Variants in AHNAK2 observed in about 807,000 individuals in gnomAD.
AHNAK2 encodes the protein protein AHNAK2.
AHNAK2 carries 18 observed loss-of-function variants against 30.7 expected under a neutral mutation model. That is an observed-to-expected ratio of 0.59 (90% CI 0.41 to 0.87). The LOEUF (loss-of-function observed/expected upper bound fraction) is 0.87. Ranked by LOEUF, AHNAK2 falls within the 40% of genes least tolerant of loss-of-function variation. The pLI, the probability that AHNAK2 is intolerant of heterozygous loss-of-function variation, is 0.00. For synonymous variants in AHNAK2, 3,590 were observed against 3,073.8 expected (o/e 1.17, Z -5.56); for missense variants, 8,604 against 7,373.0 (o/e 1.17, Z -6.11).
In AHNAK2 at chr14:104,953,746, G is replaced by C; in HGVS notation, c.1705C>G (p.Gln569Glu). 6.2e-7 allele frequency: 1 copy of C among 1,613,864 alleles called. No individual in the cohort carries two copies. The highest frequency in any genetic ancestry group is 1.7e-4 in the Middle Eastern group (1 of 6,054). Residue 569 changes from glutamine (Q) to glutamate (E), a missense_variant, in exon 7 of 7, where the codon CAG (glutamine) becomes GAG (glutamate). Physicochemically the swap from Gln to Glu is conservative, Grantham distance 29. Coordinates refer to ENST00000333244, the MANE Select transcript of AHNAK2 (RefSeq NM_138420.4). ...GLQRTRITEE[Q>E]DKGREDTEGQ... ...TCTGTGTCTTCCCTGCCCTTGTCCT[G>C]TTCCTCAGTGATCCTTGTCCTCTGT...
chr14:104,960,219 A>T (rs753737709), intron 1 of AHNAK2, among the ~76,000 whole-genome samples: 38 of 152,196 alleles, frequency 2.5e-4, no homozygotes, highest in Non-Finnish European at 5.4e-4. Context: ...AGCAAAAAGG[A>T]GTAGGAGGAG....
Position 104,941,070 on chromosome 14 carries a change from T to C in AHNAK2, c.14381A>G (p.Lys4794Arg), listed in dbSNP as rs769028346. Residue 4794 changes from lysine (K) to arginine (R), a missense_variant, in exon 7 of 7, where the codon AAA (lysine) becomes AGA (arginine). Coordinates refer to ENST00000333244, the MANE Select transcript of AHNAK2 (RefSeq NM_138420.4). ...LSPCEDVTLT[K>R]YQVTVPRAAL... ...AGCTCTGGGAACAGTCACCTGGTAT[T>C]TTGTAAGTGTAACATCCTCACAGGG... 2 of 1,613,612 alleles carry C rather than the reference T, an allele frequency of 1.2e-6. No homozygotes were observed. Among genetic ancestry groups the C allele is most frequent in the South Asian group, 1.1e-5 (1 of 91,078 alleles).
chr14:104,969,470 G>A (rs1899410196), intron 1 of AHNAK2, among the ~76,000 whole-genome samples: 1 of 152,246 alleles, frequency 6.6e-6, no homozygotes, highest in African/African-American at 2.4e-5. Flanking sequence ...TTCACAGACT[G>A]AGCTTGGCCA....
chr14:104,953,709 C>G lies in AHNAK2; in HGVS notation c.1742G>C (p.Arg581Thr). 6.2e-7 allele frequency: 1 copy of G among 1,613,942 alleles called. No homozygotes were observed. Among genetic ancestry groups the G allele is most frequent in the Non-Finnish European group, 8.5e-7 (1 of 1,179,894 alleles). The change falls in exon 7 of 7, where the codon AGA (arginine) becomes ACA (threonine). Residue 581 changes from arginine to threonine, a missense_variant. Arg to Thr is a moderately conservative substitution (Grantham distance 71). Transcript: ENST00000333244. ...KGREDTEGQI[R>T]MPKFKIPSLG... ...GGAGGGTATCTTGAACTTGGGCATT[C>G]TTATCTGTCCTTCTGTGTCTTCCCT...
Position 104,938,794 on chromosome 14 carries a change from T to C in AHNAK2, c.16657A>G (p.Ile5553Val). The C allele has an allele frequency of 6.8e-6, 11 of 1,613,986 alleles. No individual in the cohort carries two copies. Among genetic ancestry groups the C allele is most frequent in the Non-Finnish European group, 8.5e-6 (10 of 1,179,894 alleles). ...RTQEGTEEAPIQATPGVDSIS... is the reference protein window; with the variant it reads ...RTQEGTEEAPVQATPGVDSIS... ...GAGTCTACTCCTGGGGTGGCTTGTA[T>C]GGGAGCCTCTTCTGTGCCCTCCTGA... Residue 5553 changes from isoleucine to valine, a missense_variant, in exon 7 of 7, where the codon ATA (isoleucine) becomes GTA (valine). Transcript: ENST00000333244.
In AHNAK2 at chr14:104,949,852, T is replaced by G. The variant is rs370065745; in HGVS notation, c.5599A>C (p.Lys1867Gln). The change falls in exon 7 of 7, where the codon AAG becomes CAG. Residue 1867 changes from lysine to glutamine, a missense_variant. Physicochemically the swap from Lys to Gln is moderately conservative, Grantham distance 53. Transcript: ENST00000333244. ...AGCGGAATGCAGAGGTCCGTGGTCT[T>G]GAGGTCCCCCTGCATGGAGGGGAGG... The part of the protein sequence containing the change: ...VSLPSMQGDL[K>Q]TTDLCIPLPS... 9.4e-5 allele frequency: 150 copies of G among 1,587,646 alleles called. 14 individuals carry two copies. Among genetic ancestry groups the G allele is most frequent in the Admixed American group, 5.9e-4 (34 of 57,494 alleles).
rs777850918 is a variant in AHNAK2 at position 104,951,933 on chromosome 14, A to T, written c.3518T>A (p.Phe1173Tyr). Residue 1173 changes from phenylalanine to tyrosine, a missense_variant, in exon 7 of 7, where the codon TTC becomes TAC. Physicochemically the swap from Phe to Tyr is conservative, Grantham distance 22. Coordinates refer to ENST00000333244, the MANE Select transcript of AHNAK2 (RefSeq NM_138420.4). ...FKMPKFKMPS[F>Y]GASAPGKSIE... ...GGACTTGCCTGGGGCTGACGCCCCG[A>T]ACGATGGCATCTTGAACTTGGGCAT... 20 of 1,609,946 alleles carry T rather than the reference A, an allele frequency of 1.2e-5. No individual in the cohort carries two copies. The highest frequency in any genetic ancestry group is 1.2e-4 in the Admixed American group (7 of 59,632).
chr14:104,972,092 G>A (rs1899485089), intron 1 of AHNAK2, among the ~76,000 whole-genome samples: 1 of 152,238 alleles, frequency 6.6e-6, no homozygotes, highest in Non-Finnish European at 1.5e-5. Context: ...GGCAGGGAAG[G>A]CTCTGTCCCA....
chr14:104,947,756 G>C lies in AHNAK2; in HGVS notation c.7695C>G (p.His2565Gln), dbSNP rs374265047. ...AACTGGGCATCTGCACCTTGGGCAG[G>C]TGCCCTTTGAGGCCGGCTCCCTCCG... ...PVPEGAGLKG[H>Q]LPKVQMPSFK... Residue 2565 changes from histidine to glutamine, a missense_variant, in exon 7 of 7, where the codon CAC (histidine) becomes CAG (glutamine). Physicochemically the swap from His to Gln is conservative, Grantham distance 24 (BLOSUM62 0). Coordinates refer to ENST00000333244, the MANE Select transcript of AHNAK2 (RefSeq NM_138420.4). 1.6e-5 allele frequency: 26 copies of C among 1,612,676 alleles called. No individual in the cohort carries two copies. Among genetic ancestry groups the C allele is most frequent in the Non-Finnish European group, 2.1e-5 (25 of 1,179,640 alleles).
rs762322347 is a variant in AHNAK2 at position 104,944,975 on chromosome 14, G to C, written c.10476C>G (p.Ile3492Met). The change falls in exon 7 of 7, where the codon ATC (isoleucine) becomes ATG (methionine). Residue 3492 changes from isoleucine (I) to methionine (M), a missense_variant. Ile to Met is a conservative substitution (Grantham distance 10). Transcript: ENST00000333244. ...SFGVSAPGRSIEASLDVSAPK... is the reference protein window; with the variant it reads ...SFGVSAPGRSMEASLDVSAPK... ...GCGCAGACACATCCAGCGAGGCCTCGATGGACCTGCCTGGGGCCGACACCC... is the reference window on the plus strand; with the variant it reads ...GCGCAGACACATCCAGCGAGGCCTCCATGGACCTGCCTGGGGCCGACACCC... The C allele has an allele frequency of 3.0e-5, 49 of 1,612,370 alleles. No homozygotes were observed. Among genetic ancestry groups the C allele is most frequent in the African/African-American group, 1.2e-4 (9 of 74,512 alleles).
Position 104,945,450 on chromosome 14 carries a change from G to T in AHNAK2, c.10001C>A (p.Ser3334Tyr), listed in dbSNP as rs376228689. Residue 3334 changes from serine to tyrosine, a missense_variant, in exon 7 of 7, where the codon TCT becomes TAT. Physicochemically the swap from Ser to Tyr is moderately radical, Grantham distance 144 (BLOSUM62 -2). Transcript: ENST00000333244. ...GKSIQASVDV[S>Y]APKAEADVSL... ...CACGTCGGCCTCCGCCTTCGGCGCA[G>T]ACACATCCACCGAGGCCTGGATGGA... 8.1e-6 allele frequency: 13 copies of T among 1,613,364 alleles called. No individual in the cohort carries two copies. The African/African-American group carries it at 1.7e-4, about 22-fold the overall frequency.
At chr14:104,970,624 A>G in intron 1 of AHNAK2, 1 of 665,376 alleles carries the variant, frequency 1.5e-6, no homozygotes, top group Non-Finnish European at 1.9e-6. Context: ...ACATCCCACC[A>G]GAGGGAGTGG....
rs1440032341 is a variant in AHNAK2, at chr14:104,948,784, C to T, written c.6667G>A (p.Glu2223Lys). The T allele has an allele frequency of 6.2e-7, 1 of 1,612,388 alleles. No individual in the cohort carries two copies. Among genetic ancestry groups the T allele is most frequent in the Non-Finnish European group, 8.5e-7 (1 of 1,179,636 alleles). ...QAGQVDVKLL[E>K]GPVPEEVGLK... ...CCGACTTCCTCGGGCACAGGGCCCTCCAGGAGTTTCACGTCCACCTGGCCA... is the reference window on the plus strand; with the variant it reads ...CCGACTTCCTCGGGCACAGGGCCCTTCAGGAGTTTCACGTCCACCTGGCCA... The change falls in exon 7 of 7, where the codon GAG (glutamate) becomes AAG (lysine). Residue 2223 changes from glutamate to lysine, a missense_variant. Physicochemically the swap from Glu to Lys is moderately conservative, Grantham distance 56. Coordinates refer to ENST00000333244, the MANE Select transcript of AHNAK2 (RefSeq NM_138420.4).
In AHNAK2 at chr14:104,938,368, C is replaced by T; in HGVS notation, c.17083G>A (p.Gly5695Ser). Residue 5695 changes from glycine to serine, a missense_variant, in exon 7 of 7, where the codon GGC (glycine) becomes AGC (serine). By Grantham distance (56) the Gly-to-Ser change is moderately conservative. Coordinates refer to ENST00000333244, the MANE Select transcript of AHNAK2 (RefSeq NM_138420.4). ...AELPKKQEKA[G>S]WFRFPKLGFS... ...CCTAATTTGGGAAATCGGAACCAGC[C>T]TGCCTTCTCCTGTTTTTTAGGCAGT... The T allele has an allele frequency of 6.2e-7, 1 of 1,613,988 alleles. No homozygotes were observed. Among genetic ancestry groups the T allele is most frequent in the Admixed American group, 1.7e-5 (1 of 60,018 alleles).
In AHNAK2 at chr14:104,944,440, C is replaced by T. The variant is rs756916033; in HGVS notation, c.11011G>A (p.Asp3671Asn). The T allele has an allele frequency of 6.8e-6, 11 of 1,612,918 alleles. No individual in the cohort carries two copies. The highest frequency in any genetic ancestry group is 1.6e-4 in the Middle Eastern group (1 of 6,080). ...CCCTGCATGGAGGGGAGACTCACAT[C>T]GGCTTCCACCTTGGGTGCAGACACA... ...VDVSAPKVEADVSLPSMQGDL... is the reference protein window; with the variant it reads ...VDVSAPKVEANVSLPSMQGDL... Residue 3671 changes from aspartate to asparagine, a missense_variant, in exon 7 of 7, where the codon GAT becomes AAT. Coordinates refer to ENST00000333244, the MANE Select transcript of AHNAK2 (RefSeq NM_138420.4).
At chr14:104,962,671 A>G (rs982930894) in intron 1 of AHNAK2, among the ~76,000 whole-genome samples, 10 of 152,050 alleles carry the variant, frequency 6.6e-5, no homozygotes, top group Non-Finnish European at 1.3e-4. Context: ...CCTGGCCTCA[A>G]GTGATCCACC....
intron 1 of AHNAK2, among the ~76,000 whole-genome samples, chr14:104,970,220 C>T (rs912083562): frequency 3.3e-5 from 5 of 152,186 alleles, no homozygotes; most frequent in African/African-American, 1.2e-4. Flanking sequence ...CCCCAGGGAC[C>T]AGGACCCAGG....
At chr14:104,956,147 A>G (rs1898969080) in intron 4 of AHNAK2, among the ~76,000 whole-genome samples, 1 of 152,180 alleles carries the variant, frequency 6.6e-6, no homozygotes, top group Non-Finnish European at 1.5e-5. Context: ...CTCCAAGGAA[A>G]AAAACTAGTT....
rs761185632 is a variant in AHNAK2, at chr14:104,942,447, G to A, written c.13004C>T (p.Pro4335Leu). ...GGTCTTCAGGTCCCCCTGCATGGAG[G>A]GGAGGCTCACGTCAGCCTCCACCTT... ...ALKVEADVSL[P>L]SMQGDLKTTH... is the part of the protein sequence containing the mutation. Residue 4335 changes from proline to leucine, a missense_variant, in exon 7 of 7, where the codon CCC (proline) becomes CTC (leucine). Coordinates refer to ENST00000333244, the MANE Select transcript of AHNAK2 (RefSeq NM_138420.4). The A allele has an allele frequency of 5.0e-6, 8 of 1,613,022 alleles. No homozygotes were observed. The Admixed American group carries it at 6.7e-5, about 13-fold the overall frequency.
Sources: allele counts gnomAD v4.1 joint callset (sites outside exome capture counted in the v4.1 genomes callset), GRCh38; gene constraint gnomAD v4.1.1; transcripts MANE v1.5; gene names NCBI Gene and HGNC (gene_info 2026-07-23, HGNC 2026-07-21).